FSTL4: variants seen among roughly 807,000 people sequenced by gnomAD.
FSTL4 encodes the protein follistatin like 4.
FSTL4 carries 28 observed loss-of-function variants against 78.2 expected under a neutral mutation model. The ratio of observed to expected loss-of-function variants is 0.36; its 90% CI spans 0.27 to 0.49. The LOEUF (loss-of-function observed/expected upper bound fraction) is 0.49. Among genes scored for constraint, FSTL4 ranks in the 20% least tolerant of loss-of-function variants. The pLI is 0.98. For missense variants in FSTL4, 922 were observed against 1,084.9 expected, an observed-to-expected ratio of 0.85 and a Z score of 2.11; for synonymous variants, 422 against 440.5, an observed-to-expected ratio of 0.96 and a Z score of 0.53.
At chr5:133,681,948 C>T in the FSTL4 span, among the ~76,000 whole-genome samples, 1 of 152,292 alleles carries the variant, frequency 6.6e-6, no homozygotes, top group African/African-American at 2.4e-5. Flanking sequence ...GAGCTCCTGG[C>T]ATGGAGAAAG....
intron 3 of FSTL4, among the ~76,000 whole-genome samples, chr5:133,461,392 T>A (rs1406768186): frequency 6.6e-6 from 1 of 152,212 alleles, no homozygotes; most frequent in East Asian, 1.9e-4. Flanking sequence ...TTAATTACAT[T>A]TCTAGGTAGT....
chr5:133,352,301 C>CAT (rs1300427276), intron 4 of FSTL4, among the ~76,000 whole-genome samples: 3 of 103,888 alleles, frequency 2.9e-5, no homozygotes, highest in South Asian at 3.1e-4. Flanking sequence ...TATACACACA[C>CAT]ATATATATAT....
At chr5:133,605,525 A>G (rs1460949229) in intron 1 of FSTL4, among the ~76,000 whole-genome samples, 2 of 152,134 alleles carry the variant, frequency 1.3e-5, no homozygotes, top group Non-Finnish European at 2.9e-5. Context: ...CTGGCAAACA[A>G]TTACACTCCT....
rs567303897 is a variant in FSTL4, at chr5:133,292,445, G to A, written c.727+20209C>T. 2.6e-5 allele frequency among the ~76,000 whole-genome samples: 4 copies of A among 152,108 alleles called. No homozygotes were observed. The South Asian group carries it at 8.3e-4, about 32-fold the overall frequency. On this transcript the variant is annotated intron_variant, in intron 6 of 15. Transcript: ENST00000265342. ...CCTGCCCCTACCTCGCACAGCTTGA[G>A]CACAGTGGCCGCTCCAGGAGGGGTT... is the stretch of plus-strand genomic sequence containing the variant.
At chr5:133,334,303 C>A (rs10515458) in intron 4 of FSTL4, among the ~76,000 whole-genome samples, 22,163 of 152,186 alleles carry the variant, frequency 0.15, 1,820 homozygotes, top group East Asian at 0.36. Context: ...TCACATGAAG[C>A]TTTTCTTTAC....
At chr5:133,759,750 G>C in the FSTL4 span, among the ~76,000 whole-genome samples, 1 of 152,152 alleles carries the variant, frequency 6.6e-6, no homozygotes, top group Non-Finnish European at 1.5e-5. Flanking sequence ...AGGAAACACA[G>C]GTCTACTTAA....
the FSTL4 span, among the ~76,000 whole-genome samples, chr5:133,753,661 C>T: frequency 6.6e-3 from 983 of 149,566 alleles, 12 homozygotes; most frequent in African/African-American, 0.023. Flanking sequence ...CTCCCCTGGG[C>T]CTTTGTGGGT....
chr5:133,538,231 C>T (rs1266143575), intron 3 of FSTL4, among the ~76,000 whole-genome samples: 1 of 152,022 alleles, frequency 6.6e-6, no homozygotes, highest in Non-Finnish European at 1.5e-5. Flanking sequence ...TGTCTCTTGA[C>T]CTTAATATTT....
At chr5:133,204,440 T>TGAGA (rs1163869006) in intron 14 of FSTL4, among the ~76,000 whole-genome samples, 1 of 152,192 alleles carries the variant, frequency 6.6e-6, no homozygotes, top group Non-Finnish European at 1.5e-5. Context: ...ATTGTATTTG[T>TGAGA]GAGAGATTAA....
chr5:133,525,585 C>T (rs1051840250), intron 3 of FSTL4, among the ~76,000 whole-genome samples: 2 of 152,190 alleles, frequency 1.3e-5, no homozygotes, highest in East Asian at 1.9e-4. Flanking sequence ...CATCAGAAAC[C>T]GTCCTGGCCT....
chr5:133,705,083 T>C, the FSTL4 span, among the ~76,000 whole-genome samples: 4 of 152,170 alleles, frequency 2.6e-5, no homozygotes, highest in African/African-American at 9.7e-5. Flanking sequence ...TGTTTTGAGA[T>C]GGAGTCTCGC....
chr5:133,720,246 A>G, the FSTL4 span, among the ~76,000 whole-genome samples: 1 of 152,238 alleles, frequency 6.6e-6, no homozygotes, highest in Admixed American at 6.5e-5. Context: ...GTCCTTTGGA[A>G]TGCACTAAAT....
At chr5:133,608,461 G>A (rs566696595) in intron 1 of FSTL4, among the ~76,000 whole-genome samples, 43 of 152,360 alleles carry the variant, frequency 2.8e-4, no homozygotes, top group African/African-American at 1.0e-3. Flanking sequence ...GAAGGTGGAC[G>A]AATCCACCCA....
At chr5:133,393,472 C>T (rs886224764) in intron 4 of FSTL4, among the ~76,000 whole-genome samples, 14 of 152,224 alleles carry the variant, frequency 9.2e-5, no homozygotes, top group African/African-American at 2.7e-4. Context: ...CAGCCAAACC[C>T]TCTTCTGTGG....
At chr5:133,423,766 C>A (rs1190577593) in intron 3 of FSTL4, among the ~76,000 whole-genome samples, 1 of 152,144 alleles carries the variant, frequency 6.6e-6, no homozygotes, top group Non-Finnish European at 1.5e-5. Flanking sequence ...TGAGTACAGA[C>A]AAATGACTCA....
At chr5:133,626,608 TA>T in the FSTL4 span, among the ~76,000 whole-genome samples, 3 of 151,954 alleles carry the variant, frequency 2.0e-5, no homozygotes, top group African/African-American at 4.8e-5. Flanking sequence ...CAGTTTAATA[TA>T]TTTTTTTATT....
chr5:133,681,480 G>T, the FSTL4 span, among the ~76,000 whole-genome samples: 1 of 151,902 alleles, frequency 6.6e-6, no homozygotes, highest in Admixed American at 6.5e-5. Context: ...TCCTAGATAC[G>T]TTAATATATT....
chr5:133,810,345 G>C, the FSTL4 span, among the ~76,000 whole-genome samples: 3 of 152,186 alleles, frequency 2.0e-5, no homozygotes, highest in Non-Finnish European at 4.4e-5. Context: ...ATGGCTACAG[G>C]ATTTGCATTT....
chr5:133,621,699 A>G, the FSTL4 span, among the ~76,000 whole-genome samples: 1 of 152,188 alleles, frequency 6.6e-6, no homozygotes, highest in Non-Finnish European at 1.5e-5. Flanking sequence ...AATCACCACT[A>G]AAGAACTTAC....
Sources: allele counts gnomAD v4.1 joint callset (sites outside exome capture counted in the v4.1 genomes callset), GRCh38; gene constraint gnomAD v4.1.1; transcripts MANE v1.5; gene names NCBI Gene and HGNC (gene_info 2026-07-23, HGNC 2026-07-21).